Variants in GALNTL6 observed in about 807,000 individuals in gnomAD.
The protein encoded by GALNTL6 is polypeptide N-acetylgalactosaminyltransferase like 6, also known as polypeptide N-acetylgalactosaminyltransferase-like 6.
GALNTL6 carries 46 observed loss-of-function variants against 73.7 expected under a neutral mutation model. The observed-to-expected ratio is 0.62, with a 90% confidence interval of 0.49 to 0.80. The LOEUF (loss-of-function observed/expected upper bound fraction) is 0.80, where lower values mean the gene tolerates loss of function less well. Ranked by LOEUF, GALNTL6 falls within the 30% of genes least tolerant of loss-of-function variation. GALNTL6 has a pLI of 0.00. For synonymous variants in GALNTL6, 259 were observed against 263.7 expected, an observed-to-expected ratio of 0.98 and a Z score of 0.17; for missense variants, 604 against 755.0, an observed-to-expected ratio of 0.80 and a Z score of 2.34.
intron 5 of GALNTL6, among the ~76,000 whole-genome samples, chr4:172,709,854 A>G (rs1734588795): frequency 6.9e-6 from 1 of 145,048 alleles, no homozygotes; most frequent in Non-Finnish European, 1.5e-5. Flanking sequence ...GATTTGATAT[A>G]TATAATTAAA....
At chr4:172,414,494 G>A (rs551247489) in intron 5 of GALNTL6, among the ~76,000 whole-genome samples, 1 of 152,056 alleles carries the variant, frequency 6.6e-6, no homozygotes, top group South Asian at 2.1e-4. Flanking sequence ...TTTCAATATA[G>A]AATGAAGGAT....
chr4:172,704,044 C>G (rs1734183614), intron 5 of GALNTL6, among the ~76,000 whole-genome samples: 1 of 151,788 alleles, frequency 6.6e-6, no homozygotes, highest in South Asian at 2.1e-4. Context: ...TGTAATGTCA[C>G]CTTTTTAATC....
intron 11 of GALNTL6, among the ~76,000 whole-genome samples, chr4:173,017,367 G>A (rs1437980255): frequency 6.6e-6 from 1 of 152,120 alleles, no homozygotes; most frequent in Non-Finnish European, 1.5e-5. Flanking sequence ...ATAAGAGCAG[G>A]CCAAGGGTGA....
chr4:172,811,087 A>G (rs1294418970), intron 6 of GALNTL6, among the ~76,000 whole-genome samples: 12 of 152,200 alleles, frequency 7.9e-5, no homozygotes, highest in Non-Finnish European at 1.3e-4. Flanking sequence ...CAGGATCACT[A>G]TCTTTCTTAT....
chr4:171,878,851 T>C (rs1736357634), intron 2 of GALNTL6, among the ~76,000 whole-genome samples: 2 of 152,156 alleles, frequency 1.3e-5, no homozygotes, highest in Admixed American at 6.6e-5. Context: ...ACTGTGATAG[T>C]GAGTTCTCGT....
intron 5 of GALNTL6, among the ~76,000 whole-genome samples, chr4:172,716,069 A>G (rs769549368): frequency 6.6e-6 from 1 of 150,890 alleles, no homozygotes. Context: ...CCCGCACCCC[A>G]CCCCAACAAC....
chr4:172,605,489 A>G lies in GALNTL6; in HGVS notation c.554-203872A>G, dbSNP rs151293379. On this transcript the variant is annotated intron_variant, in intron 5 of 12. Coordinates refer to ENST00000506823, the MANE Select transcript of GALNTL6 (RefSeq NM_001034845.3). ...CAACAGAATGAAATGGTGCCATAATAAAAGATAACAACAAAATGATATAGG... is the reference window on the plus strand; with the variant it reads ...CAACAGAATGAAATGGTGCCATAATGAAAGATAACAACAAAATGATATAGG... 2.9e-3 allele frequency among the ~76,000 whole-genome samples: 449 copies of G among 152,276 alleles called. 5 individuals are homozygous for G. Among genetic ancestry groups the G allele is most frequent in the South Asian group, 0.023 (113 of 4,824 alleles).
At chr4:171,955,203 C>A (rs1035594462) in intron 2 of GALNTL6, among the ~76,000 whole-genome samples, 2 of 151,980 alleles carry the variant, frequency 1.3e-5, no homozygotes, top group African/African-American at 4.8e-5. Flanking sequence ...TTGCAAGAAA[C>A]AAAAACAAAA....
chr4:172,290,957 A>C (rs1257929822), intron 3 of GALNTL6, among the ~76,000 whole-genome samples: 1 of 152,022 alleles, frequency 6.6e-6, no homozygotes, highest in Non-Finnish European at 1.5e-5. Flanking sequence ...AAAAAGAGAA[A>C]GAGAAGAATG....
intron 2 of GALNTL6, among the ~76,000 whole-genome samples, chr4:172,101,351 C>T (rs1335124429): frequency 6.6e-6 from 1 of 152,168 alleles, no homozygotes; most frequent in Non-Finnish European, 1.5e-5. Flanking sequence ...TTTTGAATAG[C>T]AAACACTCAT....
intron 5 of GALNTL6, among the ~76,000 whole-genome samples, chr4:172,565,510 T>C (rs1736521865): frequency 6.6e-6 from 1 of 152,198 alleles, no homozygotes; most frequent in African/African-American, 2.4e-5. Context: ...TTTGCTAGTA[T>C]TTTGTTGAGG....
intron 2 of GALNTL6, among the ~76,000 whole-genome samples, chr4:171,982,481 T>C (rs933993634): frequency 6.6e-6 from 1 of 151,978 alleles, no homozygotes; most frequent in Non-Finnish European, 1.5e-5. Flanking sequence ...TGTATTTTCA[T>C]TAGAGACGGG....
At chr4:172,292,778 C>T (rs1383334770) in intron 3 of GALNTL6, among the ~76,000 whole-genome samples, 1 of 152,024 alleles carries the variant, frequency 6.6e-6, no homozygotes, top group Non-Finnish European at 1.5e-5. Context: ...TAATAGTTAT[C>T]CTTTAAGAAA....
intron 2 of GALNTL6, among the ~76,000 whole-genome samples, chr4:171,998,284 T>G (rs755852725): frequency 1.1e-4 from 16 of 152,152 alleles, no homozygotes; most frequent in Non-Finnish European, 1.5e-4. Context: ...AGATCTATTT[T>G]AAGAAATTGG....
chr4:172,030,164 C>T lies in GALNTL6; in HGVS notation c.139-199492C>T, dbSNP rs188167515. ...AATGTTACTAATTACCATTCCACCA[C>T]ATTGCCATAAAAACCAAATTATTTG... On this transcript the variant is annotated intron_variant, in intron 2 of 12. Transcript: ENST00000506823. 3.5e-3 allele frequency among the ~76,000 whole-genome samples: 535 copies of T among 152,186 alleles called. 2 individuals are homozygous for T. The highest frequency in any genetic ancestry group is 6.1e-3 in the Non-Finnish European group (412 of 67,982).
rs577162735 is a variant in GALNTL6 at position 172,348,881 on chromosome 4, A to G, written c.553+192A>G. 3.9e-5 allele frequency among the ~76,000 whole-genome samples: 6 copies of G among 152,340 alleles called. No homozygotes were observed. The South Asian group carries it at 1.2e-3, about 32-fold the overall frequency. ...AACTTAATGAGAAGCTATAGGTTTC[A>G]TTTGGGAATCTGTAAGAAATTTGCA... On this transcript the variant is annotated intron_variant, in intron 5 of 12. Transcript: ENST00000506823.
chr4:172,285,871 G>T (rs924969152), intron 3 of GALNTL6, among the ~76,000 whole-genome samples: 1 of 152,144 alleles, frequency 6.6e-6, no homozygotes, highest in East Asian at 1.9e-4. Context: ...AAGACATCCG[G>T]CAGACATTGC....
chr4:172,131,945 T>C (rs1733510134), intron 2 of GALNTL6, among the ~76,000 whole-genome samples: 1 of 152,202 alleles, frequency 6.6e-6, no homozygotes, highest in African/African-American at 2.4e-5. Flanking sequence ...AGCTCTCCTG[T>C]TTTGTAGAGC....
intron 5 of GALNTL6, among the ~76,000 whole-genome samples, chr4:172,662,079 G>T (rs1429214676): frequency 6.6e-6 from 1 of 152,172 alleles, no homozygotes; most frequent in African/African-American, 2.4e-5. Context: ...CCCCTTTCTA[G>T]ACCTGCACTT....
Sources: gnomAD v4.1 joint callset for allele counts (sites outside exome capture counted in the v4.1 genomes callset) on GRCh38, gnomAD v4.1.1 for gene constraint, MANE v1.5 for transcripts, NCBI Gene and HGNC (gene_info 2026-07-23, HGNC 2026-07-21) for gene names.